MINAR1: variants seen among roughly 807,000 people sequenced by gnomAD.
MINAR1 encodes the protein major intrinsically disordered Notch2-binding receptor 1.
In MINAR1, 40 loss-of-function variants were observed where a neutral mutation model predicts 65.1. The ratio of observed to expected loss-of-function variants is 0.61; its 90% confidence interval spans 0.48 to 0.80. The LOEUF is 0.80. Ranked by LOEUF, MINAR1 falls within the 30% of genes least tolerant of loss-of-function variation. MINAR1 has a pLI of 0.00. For synonymous variants in MINAR1, 482 were observed against 449.1 expected (o/e 1.07, Z -0.93); for missense variants, 1,128 against 1,148.0 (o/e 0.98, Z 0.25).
the MINAR1 span, chr15:79,427,322 A>G: frequency 6.6e-6 from 1 of 152,174 alleles, no homozygotes; most frequent in Non-Finnish European, 1.5e-5. Flanking sequence ...TACTAGGCCT[A>G]ATACCTGGAT....
At chr15:79,435,891 T>C (rs141443875) in intron 1 of MINAR1, among the ~76,000 whole-genome samples, 68 of 152,370 alleles carry the variant, frequency 4.5e-4, no homozygotes, top group African/African-American at 1.6e-3. Flanking sequence ...AATTTTGTTC[T>C]TAAAGATTCT....
intron 1 of MINAR1, among the ~76,000 whole-genome samples, chr15:79,449,371 C>T (rs1177842368): frequency 6.6e-6 from 1 of 152,166 alleles, no homozygotes; most frequent in Non-Finnish European, 1.5e-5. Context: ...GTTTGTGTTG[C>T]TATAACAGAA....
At chr15:79,434,069 A>G (rs760664342) in intron 1 of MINAR1, among the ~76,000 whole-genome samples, 1 of 152,054 alleles carries the variant, frequency 6.6e-6, no homozygotes, top group African/African-American at 2.4e-5. Flanking sequence ...TCTGATAAAT[A>G]AAGTCTGATT....
At position 79,457,902 on chromosome 15, in the gene MINAR1, C is replaced by A; in HGVS notation, c.1755C>A (p.Thr585=). 6.2e-7 allele frequency: 1 copy of A among 1,614,124 alleles called. No individual in the cohort carries two copies. Among genetic ancestry groups the A allele is most frequent in the Non-Finnish European group, 8.5e-7 (1 of 1,180,040 alleles). ...ACAAGGGCAACCGGCCTGAAAACAC[C>A]CACCACTCGGAAGAAGAGCTGAAGA... ...KGDKGNRPEN[T]HHSEEELKTS... Residue 585 remains threonine (T), a synonymous_variant, in exon 2 of 4, where the codon ACC becomes ACA. Transcript: ENST00000305428.
chr15:79,422,625 A>T, the MINAR1 span: 1 of 152,144 alleles, frequency 6.6e-6, no homozygotes, highest in Admixed American at 6.5e-5. Flanking sequence ...GAAAGAGAGG[A>T]ATGGAAAAGA....
chr15:79,414,836 T>C, the MINAR1 span: 9 of 152,178 alleles, frequency 5.9e-5, no homozygotes, highest in African/African-American at 2.2e-4. Context: ...ATGCAGATAA[T>C]TATAGCTCAA....
At chr15:79,411,597 G>T in the MINAR1 span, 1 of 673,462 alleles carries the variant, frequency 1.5e-6, no homozygotes, top group East Asian at 2.7e-5. Context: ...GAGCTACCAT[G>T]CACTGGGACT....
Position 79,458,184 on chromosome 15 carries a change from T to G in MINAR1, c.2037T>G (p.Pro679=). The G allele has an allele frequency of 6.2e-7, 1 of 1,614,090 alleles. No homozygotes were observed. The highest frequency in any genetic ancestry group is 8.5e-7 in the Non-Finnish European group (1 of 1,180,016). The part of the protein sequence containing the change: ...GSHGPKLENN[P]DWCCSDASGS... ...ACGGACCCAAACTAGAGAACAACCCTGACTGGTGCTGCTCTGATGCTAGCG... is the reference window on the plus strand; with the variant it reads ...ACGGACCCAAACTAGAGAACAACCCGGACTGGTGCTGCTCTGATGCTAGCG... Residue 679 remains proline (P), a synonymous_variant, in exon 2 of 4, where the codon CCT becomes CCG. Transcript: ENST00000305428.
Position 79,456,104 on chromosome 15 carries a change from C to G in MINAR1, c.-44C>G, listed in dbSNP as rs549256659. Reference sequence around the variant, plus strand: ...CTCAATATTGCCACCACAGAACTGACCTGAAGTTTCAGTGTAGTCAGAGAG... The same window carrying G: ...CTCAATATTGCCACCACAGAACTGAGCTGAAGTTTCAGTGTAGTCAGAGAG... On this transcript the variant is annotated 5_prime_UTR_variant, in exon 2 of 4. Transcript: ENST00000305428. The G allele has an allele frequency of 3.7e-5, 59 of 1,585,428 alleles. No homozygotes were observed. In the East Asian group the frequency reaches 1.3e-3, roughly 36 times the overall value.
chr15:79,463,279 G>A lies in MINAR1; in HGVS notation c.2511G>A (p.Arg837=), dbSNP rs1483344098. 1 of 1,614,196 alleles carries A rather than the reference G, an allele frequency of 6.2e-7. No homozygotes were observed. The change falls in exon 3 of 4, where the codon CGG becomes CGA. Residue 837 remains arginine (R), a synonymous_variant. Coordinates refer to ENST00000305428, the MANE Select transcript of MINAR1 (RefSeq NM_015206.3). ...CTTGGACCATTGAGGAGTATGCACG[G>A]AATGCGGGCGACAAGGGCAAGCTGA... ...QPSWTIEEYA[R]NAGDKGKLTA...
chr15:79,467,375 C>T (rs149360321), intron 3 of MINAR1, among the ~76,000 whole-genome samples: 1 of 152,316 alleles, frequency 6.6e-6, no homozygotes, highest in African/African-American at 2.4e-5. Context: ...TTATTAAATG[C>T]TTGCCATAAA....
Position 79,463,231 on chromosome 15 carries a change from C to A in MINAR1, c.2463C>A (p.Ala821=), listed in dbSNP as rs61746219. ...CAGACATGCGGCTGACCGAGTTGGCCGAGGTGAAGCGGGGCCAACCTTCTT... is the reference window on the plus strand; with the variant it reads ...CAGACATGCGGCTGACCGAGTTGGCAGAGGTGAAGCGGGGCCAACCTTCTT... ...LYTDMRLTEL[A]EVKRGQPSWT... Residue 821 remains alanine (A), a synonymous_variant, in exon 3 of 4, where the codon GCC becomes GCA. Coordinates refer to ENST00000305428, the MANE Select transcript of MINAR1 (RefSeq NM_015206.3). 7.4e-6 allele frequency: 12 copies of A among 1,614,064 alleles called. No homozygotes were observed. In the African/African-American group the frequency reaches 9.3e-5, roughly 13 times the overall value.
At chr15:79,440,083 C>T (rs1894828624) in intron 1 of MINAR1, among the ~76,000 whole-genome samples, 1 of 152,092 alleles carries the variant, frequency 6.6e-6, no homozygotes, top group Admixed American at 6.5e-5. Flanking sequence ...CAAGGTGTGT[C>T]TAGTCCAGAA....
chr15:79,450,816 G>A (rs2141287243), intron 1 of MINAR1, among the ~76,000 whole-genome samples: 1 of 152,350 alleles, frequency 6.6e-6, no homozygotes, highest in East Asian at 1.9e-4. Flanking sequence ...ATAACCTGCA[G>A]AGGGTGCTGT....
At chr15:79,463,388 T>A (rs1895723808) in intron 3 of MINAR1, 67 bp downstream of exon 3, 1 of 1,577,558 alleles carries the variant, frequency 6.3e-7, no homozygotes, top group Non-Finnish European at 8.6e-7. Flanking sequence ...CTGGAATGGA[T>A]CACGGACGGC....
At chr15:79,435,571 T>A (rs1894576503) in intron 1 of MINAR1, among the ~76,000 whole-genome samples, 1 of 152,194 alleles carries the variant, frequency 6.6e-6, no homozygotes, top group Admixed American at 6.5e-5. Context: ...GGACCATAAC[T>A]TTTTCAGCCC....
intron 3 of MINAR1, among the ~76,000 whole-genome samples, chr15:79,467,118 C>A (rs1320936379): frequency 6.6e-6 from 1 of 152,202 alleles, no homozygotes. Context: ...CAGAGAATTA[C>A]TAGCATGCAT....
chr15:79,411,812 C>A, the MINAR1 span: 1 of 303,132 alleles, frequency 3.3e-6, no homozygotes, highest in Admixed American at 4.1e-5. Flanking sequence ...GGTGTGGGAG[C>A]ATTTGCAATA....
At position 79,471,865 on chromosome 15, in the gene MINAR1, C is replaced by A. The variant is rs977224009; in HGVS notation, c.*3481C>A. On this transcript the variant is annotated 3_prime_UTR_variant, in exon 4 of 4. Coordinates refer to ENST00000305428, the MANE Select transcript of MINAR1 (RefSeq NM_015206.3). ...ATATTGTGGTCAATTGTGTGAATAC[C>A]AAATCAGTATATACTGTATACTGTA... is the stretch of plus-strand genomic sequence containing the variant. 2.0e-5 allele frequency: 3 copies of A among 152,356 alleles called. No individual in the cohort carries two copies. The highest frequency in any genetic ancestry group is 2.0e-4 in the Admixed American group (3 of 15,260). The allele number at this position is 152,356 out of a possible 1,614,324, so 9.4% of individuals were successfully genotyped here.
Sources: allele counts gnomAD v4.1 joint callset (sites outside exome capture counted in the v4.1 genomes callset), GRCh38; gene constraint gnomAD v4.1.1; transcripts MANE v1.5; gene names NCBI Gene and HGNC (gene_info 2026-07-23, HGNC 2026-07-21).